ZNF423: variants seen among roughly 807,000 people sequenced by gnomAD.
The protein encoded by ZNF423 is Ebf-associated zinc finger protein.
Under a neutral mutation model 95.8 loss-of-function variants are expected in ZNF423, and 12 were observed. The observed-to-expected ratio is 0.13, with a 90% CI of 0.08 to 0.20. The LOEUF is 0.20. ZNF423 is among the 10% of genes least tolerant of loss of function. The pLI is 1.00. For missense variants in ZNF423, 1,316 were observed against 1,737.1 expected (o/e 0.76, Z 4.31); for synonymous variants, 749 against 711.9 (o/e 1.05, Z -0.83).
intron 3 of ZNF423, among the ~76,000 whole-genome samples, chr16:49,642,801 CTTTTTTT>C (rs55662710): frequency 8.7e-5 from 8 of 91,562 alleles, no homozygotes; most frequent in South Asian, 8.2e-4. Context: ...GTTCTCTTTT[CTTTTTTT>C]TTTTTTTTTT....
chr16:49,636,574 C>T lies in ZNF423; in HGVS notation c.2602G>A (p.Gly868Ser), dbSNP rs772317907. ...GCCTCAGGGTTCTTAAGCAGCATGC[C>T]CTGCAGGTCAGCAGGCTCAGCTTTC... is the stretch of plus-strand genomic sequence containing the variant. ...TKKAEPADLQ[G>S]MLLKNPEAPN... is the part of the protein sequence containing the mutation. Residue 868 changes from glycine to serine, a missense_variant, in exon 4 of 8, where the codon GGC (glycine) becomes AGC (serine). Physicochemically the swap from Gly to Ser is moderately conservative, Grantham distance 56 (BLOSUM62 0). This residue lies in a region of ZNF423 where 620 missense variants were observed against 775.6 expected (regional missense o/e 0.80). Coordinates refer to ENST00000563137, the MANE Select transcript of ZNF423 (RefSeq NM_001379286.1). This position sits in a 1 kb window ranked among gnomAD's most constrained non-coding sequence, Gnocchi z 8.6. 1 of 1,613,992 alleles carries T rather than the reference C, an allele frequency of 6.2e-7. No homozygotes were observed. Among genetic ancestry groups the T allele is most frequent in the Non-Finnish European group, 8.5e-7 (1 of 1,179,998 alleles).
intron 3 of ZNF423, among the ~76,000 whole-genome samples, chr16:49,685,479 G>A (rs1393623678): frequency 6.6e-6 from 1 of 152,134 alleles, no homozygotes; most frequent in Non-Finnish European, 1.5e-5. Flanking sequence ...CCCTGCCCTG[G>A]TGCAGTTCAG....
intron 2 of ZNF423, among the ~76,000 whole-genome samples, chr16:49,749,775 C>T (rs1313299742): frequency 7.0e-6 from 1 of 142,136 alleles, no homozygotes; most frequent in Non-Finnish European, 1.5e-5. Context: ...TAAATGTGAA[C>T]AGGCCCCAGT....
chr16:49,736,358 A>T (rs2033286111), intron 2 of ZNF423, among the ~76,000 whole-genome samples: 1 of 152,122 alleles, frequency 6.6e-6, no homozygotes, highest in Non-Finnish European at 1.5e-5. Flanking sequence ...AGCCAGGAGG[A>T]AGAGGGTACA....
At chr16:49,563,283 C>T (rs1970077221) in intron 5 of ZNF423, among the ~76,000 whole-genome samples, 1 of 152,092 alleles carries the variant, frequency 6.6e-6, no homozygotes, top group Admixed American at 6.5e-5. Flanking sequence ...AGCCTGGCAC[C>T]TCCCCCCTCC....
rs769305755 is a variant in ZNF423 at position 49,636,680 on chromosome 16, C to T, written c.2496G>A (p.Lys832=). 4.3e-6 allele frequency: 7 copies of T among 1,614,130 alleles called. No individual in the cohort carries two copies. Among genetic ancestry groups the T allele is most frequent in the East Asian group, 2.2e-5 (1 of 44,872 alleles). ...KAFHAIILLE[K]HLREKHCVFD... ...ACACACAGTGCTTCTCCCGCAGGTG[C>T]TTCTCCAGCAGGATGATGGCGTGGA... The change falls in exon 4 of 8, where the codon AAG becomes AAA. Residue 832 remains lysine, a synonymous_variant. Transcript: ENST00000563137. The surrounding 1 kb of genome is among the most constrained non-coding windows in gnomAD (Gnocchi z 8.6).
chr16:49,494,616 G>C (rs754370051), intron 7 of ZNF423, among the ~76,000 whole-genome samples: 1 of 152,190 alleles, frequency 6.6e-6, no homozygotes, highest in African/African-American at 2.4e-5. Flanking sequence ...GTGTGATGGT[G>C]GTGGGGAGCC....
intron 1 of ZNF423, among the ~76,000 whole-genome samples, chr16:49,851,868 G>A (rs1195371225): frequency 2.6e-5 from 4 of 152,242 alleles, no homozygotes; most frequent in South Asian, 2.1e-4. Context: ...TACCAAAGCT[G>A]GGAATCGATA....
intron 5 of ZNF423, among the ~76,000 whole-genome samples, chr16:49,594,626 A>G (rs1971123874): frequency 6.6e-6 from 1 of 152,216 alleles, no homozygotes; most frequent in Non-Finnish European, 1.5e-5. Flanking sequence ...AACACACTCA[A>G]AGACAAACAC....
intron 3 of ZNF423, among the ~76,000 whole-genome samples, chr16:49,664,836 G>C (rs1456493164): frequency 6.6e-6 from 1 of 152,264 alleles, no homozygotes; most frequent in Admixed American, 6.5e-5. Context: ...CGAGCTAGGA[G>C]GGGCCAGGCA....
chr16:49,724,844 G>A (rs570474678), intron 3 of ZNF423, among the ~76,000 whole-genome samples: 12 of 152,208 alleles, frequency 7.9e-5, no homozygotes, highest in East Asian at 1.9e-4. Flanking sequence ...AAGGGATAGC[G>A]GAGAGGGGAG....
At chr16:49,720,880 C>T (rs1379316970) in intron 3 of ZNF423, among the ~76,000 whole-genome samples, 1 of 152,234 alleles carries the variant, frequency 6.6e-6, no homozygotes, top group East Asian at 1.9e-4. Context: ...AACCCTGACC[C>T]TTGCTAACAT....
At chr16:49,601,342 TA>T (rs973703768) in intron 5 of ZNF423, among the ~76,000 whole-genome samples, 1 of 152,222 alleles carries the variant, frequency 6.6e-6, no homozygotes, top group Non-Finnish European at 1.5e-5. Context: ...ATGGAGAGAA[TA>T]GGGGTATCCC....
At chr16:49,832,047 AC>A (rs2035066174) in intron 1 of ZNF423, among the ~76,000 whole-genome samples, 1 of 151,576 alleles carries the variant, frequency 6.6e-6, no homozygotes, top group Non-Finnish European at 1.5e-5. Flanking sequence ...GTTGCTTCTG[AC>A]TTTTCCTCCT....
At chr16:49,772,935 T>A (rs945971870) in intron 2 of ZNF423, among the ~76,000 whole-genome samples, 11 of 152,164 alleles carry the variant, frequency 7.2e-5, no homozygotes, top group African/African-American at 2.7e-4. Flanking sequence ...AAATGTATAA[T>A]CATAGCAGAA....
intron 2 of ZNF423, among the ~76,000 whole-genome samples, chr16:49,738,694 C>A (rs2033347574): frequency 6.6e-6 from 1 of 151,902 alleles, no homozygotes; most frequent in Admixed American, 6.6e-5. Context: ...AGTGAGAGAG[C>A]CAGGAACACT....
At chr16:49,529,872 A>G (rs1968775993) in intron 5 of ZNF423, among the ~76,000 whole-genome samples, 1 of 152,068 alleles carries the variant, frequency 6.6e-6, no homozygotes, top group African/African-American at 2.4e-5. Flanking sequence ...GCCACAACGG[A>G]TAGTCCCTGC....
intron 3 of ZNF423, among the ~76,000 whole-genome samples, chr16:49,672,868 GAAA>G (rs35633917): frequency 6.6e-6 from 1 of 152,010 alleles, no homozygotes; most frequent in African/African-American, 2.4e-5. Context: ...AAAAGCCTCC[GAAA>G]AAAGAGTGGA....
chr16:49,601,869 A>AG (rs1242818439), intron 5 of ZNF423, among the ~76,000 whole-genome samples: 3 of 152,210 alleles, frequency 2.0e-5, no homozygotes, highest in Non-Finnish European at 4.4e-5. Flanking sequence ...AGCCTCAGGC[A>AG]GGGGCTTGTT....
Sources: allele counts gnomAD v4.1 joint callset (sites outside exome capture counted in the v4.1 genomes callset), GRCh38; gene constraint gnomAD v4.1.1; regional missense constraint gnomAD v4.1.1; non-coding constraint Gnocchi (gnomAD v3.1); transcripts MANE v1.5; gene names NCBI Gene and HGNC (gene_info 2026-07-23, HGNC 2026-07-21).